Variants in CYYR1 observed in about 807,000 individuals in gnomAD.
CYYR1 encodes the protein cysteine and tyrosine-rich protein 1.
In CYYR1, 14 loss-of-function variants were observed where a neutral mutation model predicts 15.2. The observed-to-expected ratio is 0.92, with a 90% CI of 0.61 to 1.44. CYYR1 has a LOEUF of 1.44. Among genes scored for constraint, CYYR1 ranks in the 40% most tolerant of loss-of-function variants. The probability of loss-of-function intolerance (pLI) is 0.00; values close to 1 mark genes in which losing one functional copy is unlikely to be tolerated. For missense variants in CYYR1, 228 were observed against 209.5 expected (o/e 1.09, Z -0.54); for synonymous variants, 80 against 77.4 (o/e 1.03, Z -0.18).
intron 2 of CYYR1, among the ~76,000 whole-genome samples, chr21:26,486,605 T>G (rs2065250921): frequency 6.6e-6 from 1 of 151,372 alleles, no homozygotes; most frequent in Non-Finnish European, 1.5e-5. Context: ...TGTTTCTAGG[T>G]TCTAATTTAG....
chr21:26,557,778 G>A (rs1393397980), intron 2 of CYYR1, among the ~76,000 whole-genome samples: 1 of 152,042 alleles, frequency 6.6e-6, no homozygotes, highest in Non-Finnish European at 1.5e-5. Flanking sequence ...GCTTCAGAAT[G>A]GAACATTCCA....
At chr21:26,533,802 C>T (rs546803783) in intron 2 of CYYR1, among the ~76,000 whole-genome samples, 1 of 152,156 alleles carries the variant, frequency 6.6e-6, no homozygotes, top group Admixed American at 6.6e-5. Context: ...GCTTGCTGTT[C>T]GTCTGAGAGT....
intron 2 of CYYR1, among the ~76,000 whole-genome samples, chr21:26,530,341 T>C (rs2065915973): frequency 6.6e-6 from 1 of 152,062 alleles, no homozygotes; most frequent in Non-Finnish European, 1.5e-5. Context: ...ATAAAAATCA[T>C]TTTTGTCTGC....
intron 2 of CYYR1, among the ~76,000 whole-genome samples, chr21:26,493,534 C>G (rs772050392): frequency 3.9e-5 from 6 of 152,158 alleles, no homozygotes; most frequent in Non-Finnish European, 8.8e-5. Context: ...ACAACTCTAT[C>G]CTATTCCAAG....
At chr21:26,469,136 C>G (rs2065003733) in intron 3 of CYYR1, among the ~76,000 whole-genome samples, 1 of 152,108 alleles carries the variant, frequency 6.6e-6, no homozygotes, top group Admixed American at 6.5e-5. Flanking sequence ...AAAAGAAAAG[C>G]TGCAACAATG....
intron 2 of CYYR1, among the ~76,000 whole-genome samples, chr21:26,543,964 A>G (rs1911580407): frequency 6.6e-6 from 1 of 152,122 alleles, no homozygotes; most frequent in Non-Finnish European, 1.5e-5. Flanking sequence ...CATAGCTGCA[A>G]GGAGGGCTGG....
At chr21:26,540,348 A>G (rs1036116760) in intron 2 of CYYR1, among the ~76,000 whole-genome samples, 1 of 152,200 alleles carries the variant, frequency 6.6e-6, no homozygotes, top group African/African-American at 2.4e-5. Context: ...GGCTAACGGC[A>G]TGCCCCAATC....
intron 2 of CYYR1, among the ~76,000 whole-genome samples, chr21:26,515,498 C>T (rs1198790663): frequency 1.3e-5 from 2 of 151,946 alleles, no homozygotes; most frequent in Non-Finnish European, 2.9e-5. Flanking sequence ...TAGCTGGAAA[C>T]TATAGTCACA....
At chr21:26,498,330 A>T (rs2065434833) in intron 2 of CYYR1, among the ~76,000 whole-genome samples, 1 of 152,230 alleles carries the variant, frequency 6.6e-6, no homozygotes, top group Non-Finnish European at 1.5e-5. Context: ...GATCACGTCC[A>T]AATTGTAAAG....
intron 2 of CYYR1, among the ~76,000 whole-genome samples, chr21:26,485,498 A>G (rs974038635): frequency 6.6e-6 from 1 of 152,098 alleles, no homozygotes; most frequent in Admixed American, 6.6e-5. Flanking sequence ...TCTGCCATCA[A>G]TAACCCCGGG....
At chr21:26,527,683 C>T (rs1470602842) in intron 2 of CYYR1, among the ~76,000 whole-genome samples, 1 of 152,130 alleles carries the variant, frequency 6.6e-6, no homozygotes, top group Admixed American at 6.5e-5. Context: ...GAAAGCTCAG[C>T]TCCTCCAGAA....
At chr21:26,526,939 T>G (rs222936) in intron 2 of CYYR1, among the ~76,000 whole-genome samples, 2,048 of 152,336 alleles carry the variant, frequency 0.013, 33 homozygotes, top group South Asian at 0.089. Context: ...CCAAACACTA[T>G]GGTCTTGTTA....
At chr21:26,505,683 G>T (rs1343763481) in intron 2 of CYYR1, among the ~76,000 whole-genome samples, 1 of 152,130 alleles carries the variant, frequency 6.6e-6, no homozygotes, top group East Asian at 1.9e-4. Flanking sequence ...GAGTTTATGA[G>T]GGCAGTGGCA....
chr21:26,495,533 C>A (rs1373516191), intron 2 of CYYR1, among the ~76,000 whole-genome samples: 1 of 148,790 alleles, frequency 6.7e-6, no homozygotes, highest in Non-Finnish European at 1.5e-5. Flanking sequence ...TTATGTGATC[C>A]AATTAGACTC....
intron 2 of CYYR1, among the ~76,000 whole-genome samples, chr21:26,542,132 T>A (rs1389936252): frequency 1.4e-5 from 2 of 146,366 alleles, no homozygotes; most frequent in Admixed American, 1.4e-4. Flanking sequence ...GTACTTTGAA[T>A]ACAAAAAAAT....
intron 2 of CYYR1, among the ~76,000 whole-genome samples, chr21:26,494,662 A>T (rs1238578562): frequency 6.6e-6 from 1 of 152,086 alleles, no homozygotes; most frequent in Non-Finnish European, 1.5e-5. Flanking sequence ...AAAGAGTAAC[A>T]GTTTCAGAAT....
At position 26,573,043 on chromosome 21, in the gene CYYR1, C is replaced by T; in HGVS notation, c.-103G>A. 1 of 1,593,402 alleles carries T rather than the reference C, an allele frequency of 6.3e-7. No individual in the cohort carries two copies. Among genetic ancestry groups the T allele is most frequent in the Non-Finnish European group, 8.5e-7 (1 of 1,170,904 alleles). On this transcript the variant is annotated 5_prime_UTR_variant, in exon 1 of 4. Coordinates refer to ENST00000652641, the MANE Select transcript of CYYR1 (RefSeq NM_001320768.2). ...ATGGAGAGAGCAGCGCTCCTGAGAG[C>T]CGGGTGGAGCAGAGACCCGGCCATT...
chr21:26,485,446 C>G (rs903792428), intron 2 of CYYR1, among the ~76,000 whole-genome samples: 7 of 152,104 alleles, frequency 4.6e-5, no homozygotes, highest in Non-Finnish European at 1.0e-4. Flanking sequence ...ATTTCCCTTT[C>G]GCTATTACTT....
chr21:26,488,519 C>T (rs1171212990), intron 2 of CYYR1, among the ~76,000 whole-genome samples: 1 of 152,146 alleles, frequency 6.6e-6, no homozygotes, highest in Non-Finnish European at 1.5e-5. Context: ...TCCCAAAGTG[C>T]TGGGATTACA....
Sources: gnomAD v4.1 joint callset for allele counts (sites outside exome capture counted in the v4.1 genomes callset) on GRCh38, gnomAD v4.1.1 for gene constraint, MANE v1.5 for transcripts, NCBI Gene and HGNC (gene_info 2026-07-23, HGNC 2026-07-21) for gene names.